Variants in PCDH9 observed in about 807,000 individuals in gnomAD.
The protein encoded by PCDH9 is protocadherin 9, also known as protocadherin-9.
In PCDH9, 24 loss-of-function variants were observed where a neutral mutation model predicts 70.6. The ratio of observed to expected loss-of-function variants is 0.34; its 90% CI spans 0.25 to 0.48. PCDH9 has a LOEUF of 0.48. Among genes scored for constraint, PCDH9 ranks in the 20% least tolerant of loss-of-function variants. PCDH9 has a pLI of 0.99. For synonymous variants in PCDH9, 562 were observed against 558.5 expected (o/e 1.01, Z -0.09); for missense variants, 1,281 against 1,503.6 (o/e 0.85, Z 2.45).
chr13:66,391,105 T>C (rs1566290058), intron 4 of PCDH9, among the ~76,000 whole-genome samples: 1 of 152,204 alleles, frequency 6.6e-6, no homozygotes, highest in Non-Finnish European at 1.5e-5. Context: ...GTCCCTTATT[T>C]TAACAGTGCT....
At chr13:66,906,038 T>A (rs1040875103) in intron 2 of PCDH9, among the ~76,000 whole-genome samples, 4 of 152,166 alleles carry the variant, frequency 2.6e-5, no homozygotes, top group Admixed American at 6.6e-5. Flanking sequence ...TTGTACTGGA[T>A]CATCAAGATA....
intron 2 of PCDH9, among the ~76,000 whole-genome samples, chr13:67,103,089 T>C (rs1244377013): frequency 6.6e-6 from 1 of 152,132 alleles, no homozygotes; most frequent in Non-Finnish European, 1.5e-5. Context: ...TGTTTTTAAA[T>C]GTTTTTTAAA....
intron 3 of PCDH9, among the ~76,000 whole-genome samples, chr13:66,896,080 C>T (rs555066067): frequency 2.6e-5 from 4 of 152,252 alleles, no homozygotes; most frequent in South Asian, 2.1e-4. Flanking sequence ...CTGTCAAATG[C>T]GGCTCTTCCT....
chr13:67,073,068 T>C (rs2085800888), intron 2 of PCDH9, among the ~76,000 whole-genome samples: 1 of 152,204 alleles, frequency 6.6e-6, no homozygotes. Context: ...CTGAATTTCA[T>C]TTCTTCTTAG....
At chr13:66,529,240 A>G (rs939336388) in intron 4 of PCDH9, among the ~76,000 whole-genome samples, 1 of 152,134 alleles carries the variant, frequency 6.6e-6, no homozygotes, top group Non-Finnish European at 1.5e-5. Flanking sequence ...AATAACTCTC[A>G]AATACTGACA....
chr13:66,353,406 A>C (rs1353860629), intron 4 of PCDH9, among the ~76,000 whole-genome samples: 2 of 152,176 alleles, frequency 1.3e-5, no homozygotes, highest in Non-Finnish European at 2.9e-5. Context: ...TTAGATAAAA[A>C]ACTTCCTGTA....
intron 3 of PCDH9, among the ~76,000 whole-genome samples, chr13:66,830,669 CA>C (rs896073274): frequency 6.6e-6 from 1 of 152,060 alleles, no homozygotes; most frequent in African/African-American, 2.4e-5. Flanking sequence ...CTAATAAATT[CA>C]ACATGCATTA....
chr13:67,032,215 C>T (rs1372897117), intron 2 of PCDH9, among the ~76,000 whole-genome samples: 1 of 152,178 alleles, frequency 6.6e-6, no homozygotes, highest in Non-Finnish European at 1.5e-5. Flanking sequence ...ACAATCATGG[C>T]TCACTGTAGC....
chr13:66,586,803 G>A (rs1466588080), intron 4 of PCDH9, among the ~76,000 whole-genome samples: 1 of 151,796 alleles, frequency 6.6e-6, no homozygotes. Flanking sequence ...TGGCAAACGT[G>A]GAAATAAATT....
chr13:67,167,991 A>C (rs1199690972), intron 2 of PCDH9, among the ~76,000 whole-genome samples: 1 of 152,208 alleles, frequency 6.6e-6, no homozygotes, highest in East Asian at 1.9e-4. Flanking sequence ...CCACTATTTC[A>C]TAAAGAAACA....
At chr13:66,321,596 A>G (rs1461014878) in intron 4 of PCDH9, among the ~76,000 whole-genome samples, 1 of 151,944 alleles carries the variant, frequency 6.6e-6, no homozygotes, top group Non-Finnish European at 1.5e-5. Context: ...TCTGTTAAAT[A>G]TACTGAAATT....
intron 4 of PCDH9, among the ~76,000 whole-genome samples, chr13:66,451,224 A>T (rs548006285): frequency 6.6e-6 from 1 of 152,326 alleles, no homozygotes; most frequent in South Asian, 2.1e-4. Context: ...ATGCTGCACA[A>T]AATGAATGAA....
At chr13:66,756,112 T>C (rs2079534928) in intron 3 of PCDH9, among the ~76,000 whole-genome samples, 1 of 152,098 alleles carries the variant, frequency 6.6e-6, no homozygotes, top group African/African-American at 2.4e-5. Context: ...TAGTCTGAAA[T>C]TAGATTTAGA....
chr13:66,510,278 A>T (rs1959402336), intron 4 of PCDH9, among the ~76,000 whole-genome samples: 3 of 152,002 alleles, frequency 2.0e-5, no homozygotes, highest in Non-Finnish European at 4.4e-5. Context: ...ACTGCTCAAG[A>T]ATCTAATAAT....
At chr13:67,002,364 T>C (rs1594376081) in intron 2 of PCDH9, among the ~76,000 whole-genome samples, 1 of 152,120 alleles carries the variant, frequency 6.6e-6, no homozygotes, top group Non-Finnish European at 1.5e-5. Context: ...TTCTCAAAAT[T>C]TATATTAAAA....
intron 2 of PCDH9, among the ~76,000 whole-genome samples, chr13:67,055,978 C>A (rs905338155): frequency 6.6e-6 from 1 of 151,994 alleles, no homozygotes; most frequent in East Asian, 1.9e-4. Flanking sequence ...CATAGTGAAA[C>A]CCCATCTCGA....
intron 3 of PCDH9, among the ~76,000 whole-genome samples, chr13:66,639,590 G>A (rs1200658065): frequency 1.5e-4 from 23 of 152,158 alleles, no homozygotes. Flanking sequence ...CCTTTTGGGT[G>A]TAGTCTTGGT....
intron 3 of PCDH9, among the ~76,000 whole-genome samples, chr13:66,746,179 A>G (rs2079359825): frequency 6.6e-6 from 1 of 152,182 alleles, no homozygotes; most frequent in African/African-American, 2.4e-5. Flanking sequence ...ATGTAATGAG[A>G]ATGCTTCCTT....
chr13:66,472,211 C>CAAAAAAAA (rs34935198), intron 4 of PCDH9, among the ~76,000 whole-genome samples: 1 of 112,316 alleles, frequency 8.9e-6, no homozygotes, highest in Non-Finnish European at 1.8e-5. Context: ...GACTCCATCT[C>CAAAAAAAA]AAAAAAAAAA....
Sources: gnomAD v4.1 joint callset for allele counts (sites outside exome capture counted in the v4.1 genomes callset) on GRCh38, gnomAD v4.1.1 for gene constraint, MANE v1.5 for transcripts, NCBI Gene and HGNC (gene_info 2026-07-23, HGNC 2026-07-21) for gene names.